The following SGCG variants were observed in gnomAD, a reference collection of about 807,000 sequenced individuals.
SGCG encodes the protein gamma-sarcoglycan.
A neutral mutation model predicts 29.3 loss-of-function variants in SGCG; 26 were observed. That is an observed-to-expected ratio of 0.89 (90% CI 0.65 to 1.23). The LOEUF (loss-of-function observed/expected upper bound fraction) is 1.23. SGCG is among the 50% of genes most tolerant of loss of function. SGCG has a pLI of 0.00. For missense variants in SGCG, 353 were observed against 356.0 expected, an observed-to-expected ratio of 0.99 and a Z score of 0.07; for synonymous variants, 145 against 129.7, an observed-to-expected ratio of 1.12 and a Z score of -0.80.
upstream of SGCG, among the ~76,000 whole-genome samples, chr13:23,177,613 C>T (rs1284315687): frequency 7.1e-6 from 1 of 141,172 alleles, no homozygotes; most frequent in African/African-American, 2.7e-5. Context: ...GCTCTGTCAC[C>T]CAGGCTGGAG....
At chr13:23,195,870 G>T (rs1877483423) in intron 1 of SGCG, among the ~76,000 whole-genome samples, 1 of 151,872 alleles carries the variant, frequency 6.6e-6, no homozygotes, top group African/African-American at 2.4e-5. Context: ...ATGAAGTTGG[G>T]ATGAGTATGG....
At chr13:23,245,556 C>T (rs1879676297) in intron 3 of SGCG, 1 of 152,130 alleles carries the variant, frequency 6.6e-6, no homozygotes, top group Non-Finnish European at 1.5e-5. Context: ...AGAGTCAGCC[C>T]CAGAGATGAG....
At chr13:23,301,754 A>G (rs1028420930) in intron 6 of SGCG, among the ~76,000 whole-genome samples, 3 of 151,926 alleles carry the variant, frequency 2.0e-5, no homozygotes, top group African/African-American at 7.3e-5. Context: ...AGGCATACAT[A>G]GTGGTGCACA....
chr13:23,266,848 C>T (rs1462161988), intron 4 of SGCG, among the ~76,000 whole-genome samples: 1 of 152,182 alleles, frequency 6.6e-6, no homozygotes, highest in African/African-American at 2.4e-5. Flanking sequence ...TAGATGCTGG[C>T]ATCATGCTTG....
intron 3 of SGCG, among the ~76,000 whole-genome samples, chr13:23,248,268 G>A (rs1312563099): frequency 1.3e-5 from 2 of 152,030 alleles, no homozygotes; most frequent in African/African-American, 4.8e-5. Flanking sequence ...GCATTTTTGT[G>A]TGGCAAATTT....
At chr13:23,281,316 G>A (rs1023667260) in intron 5 of SGCG, among the ~76,000 whole-genome samples, 1 of 151,362 alleles carries the variant, frequency 6.6e-6, no homozygotes, top group Non-Finnish European at 1.5e-5. Flanking sequence ...CTCCAGCCTG[G>A]GCAACAGAGT....
intron 2 of SGCG, among the ~76,000 whole-genome samples, chr13:23,233,033 T>A (rs1879168743): frequency 6.6e-6 from 1 of 152,090 alleles, no homozygotes; most frequent in Non-Finnish European, 1.5e-5. Context: ...AACAATAGAA[T>A]TTGCATATGA....
rs141402399 is a variant in SGCG, at chr13:23,317,051, C to T, written c.579-3586C>T. On this transcript the variant is annotated intron_variant, in intron 6 of 7. Coordinates refer to ENST00000218867, the MANE Select transcript of SGCG (RefSeq NM_000231.3). Reference sequence around the variant, plus strand: ...GAAAGCTGTCTCTACCAAGATTAGCCGGGCATGGTGGTAGGCACCTATAGT... The same window carrying T: ...GAAAGCTGTCTCTACCAAGATTAGCTGGGCATGGTGGTAGGCACCTATAGT... Among the ~76,000 whole-genome samples the T allele has an allele frequency of 6.0e-4, 91 of 152,152 alleles. 2 individuals carry two copies. Among genetic ancestry groups the T allele is most frequent in the Middle Eastern group, 6.8e-3 (2 of 294 alleles).
At chr13:23,252,709 C>CA (rs1336861955) in intron 4 of SGCG, among the ~76,000 whole-genome samples, 136 of 104,354 alleles carry the variant, frequency 1.3e-3, no homozygotes, top group African/African-American at 4.8e-3. Context: ...CAAAACAAAA[C>CA]AAACAAACAA....
chr13:23,322,659 C>T (rs2137531085), intron 7 of SGCG, among the ~76,000 whole-genome samples: 1 of 152,130 alleles, frequency 6.6e-6, no homozygotes, highest in South Asian at 2.1e-4. Flanking sequence ...GATAAACATC[C>T]ATGGACGCTG....
rs1373003467 is a variant in SGCG at position 23,187,283 on chromosome 13, C to T, written c.-1+6208C>T. ...TGTTAACGTGGTAAAAGATCTTCCT[C>T]CTTGATGCCCAATAGGTCCATCCAC... On this transcript the variant is annotated intron_variant, in intron 1 of 7. Coordinates refer to ENST00000218867, the MANE Select transcript of SGCG (RefSeq NM_000231.3). Among the ~76,000 whole-genome samples, 3 of 152,154 alleles carry T rather than the reference C, an allele frequency of 2.0e-5. No homozygotes were observed. In the East Asian group the frequency reaches 5.8e-4, roughly 29 times the overall value.
At chr13:23,293,792 C>T (rs918658232) in intron 5 of SGCG, among the ~76,000 whole-genome samples, 1 of 150,852 alleles carries the variant, frequency 6.6e-6, no homozygotes, top group Non-Finnish European at 1.5e-5. Flanking sequence ...GATCTTGCCA[C>T]TGCCCTTCAG....
intron 1 of SGCG, among the ~76,000 whole-genome samples, chr13:23,197,992 G>A (rs684041): frequency 0.46 from 69,225 of 150,852 alleles, 16,104 homozygotes; most frequent in Admixed American, 0.52. Context: ...TTGTAGATAC[G>A]TGTTGAATGA....
chr13:23,320,606 T>TTC, intron 6 of SGCG, 31 bp from the exon 7 acceptor site: 1 of 1,486,344 alleles, frequency 6.7e-7, no homozygotes, highest in South Asian at 1.2e-5. Context: ...ACTTTTTTTT[T>TTC]TTTTTTTTGT....
intron 1 of SGCG, among the ~76,000 whole-genome samples, chr13:23,197,979 G>A (rs9580566): frequency 0.23 from 34,174 of 151,702 alleles, 4,181 homozygotes; most frequent in East Asian, 0.35. Flanking sequence ...ACTGAAAAAA[G>A]CTTTGTAGAT....
rs1883173156 is a variant in SGCG, at chr13:23,324,731, T to C, written c.*190T>C. The C allele has an allele frequency of 1.6e-6, 1 of 611,896 alleles. No homozygotes were observed. Among genetic ancestry groups the C allele is most frequent in the African/African-American group, 1.8e-5 (1 of 54,156 alleles). The allele number at this position is 611,896 out of a possible 1,614,324, so 37.9% of individuals were successfully genotyped here. On this transcript the variant is annotated 3_prime_UTR_variant, in exon 8 of 8. Transcript: ENST00000218867. ...TACATGATCTCAAAATGCACGTGGATGTGAGACACAAAAGTTGACAAAATG... is the reference window on the plus strand; with the variant it reads ...TACATGATCTCAAAATGCACGTGGACGTGAGACACAAAAGTTGACAAAATG...
chr13:23,311,401 AT>A (rs1284761392), intron 6 of SGCG, among the ~76,000 whole-genome samples: 2 of 152,228 alleles, frequency 1.3e-5, no homozygotes, highest in African/African-American at 4.8e-5. Flanking sequence ...AGTTCTTCAT[AT>A]GTATGTCTTC....
chr13:23,161,791 G>A, the SGCG span, among the ~76,000 whole-genome samples: 1 of 152,224 alleles, frequency 6.6e-6, no homozygotes, highest in South Asian at 2.1e-4. Context: ...TTATACAGCA[G>A]TTATATCTTC....
chr13:23,210,420 G>A (rs945683202), intron 2 of SGCG, among the ~76,000 whole-genome samples: 38 of 152,068 alleles, frequency 2.5e-4, no homozygotes, highest in South Asian at 2.1e-4. Context: ...GGCTGGGCGC[G>A]GTGGCTCATT....
Sources: allele counts gnomAD v4.1 joint callset (sites outside exome capture counted in the v4.1 genomes callset), GRCh38; gene constraint gnomAD v4.1.1; transcripts MANE v1.5; gene names NCBI Gene and HGNC (gene_info 2026-07-23, HGNC 2026-07-21).